Variants in FAAP20 observed in about 807,000 individuals in gnomAD.
FAAP20 encodes the protein FA core complex associated protein 20.
FAAP20 carries 12 observed loss-of-function variants against 16.2 expected under a neutral mutation model. The ratio of observed to expected loss-of-function variants is 0.74; its 90% CI spans 0.48 to 1.20. FAAP20 has a LOEUF of 1.20. FAAP20 is among the 50% of genes most tolerant of loss of function. The pLI is 0.00. For missense variants in FAAP20, 288 were observed against 245.8 expected (o/e 1.17, Z -1.15); for synonymous variants, 141 against 110.7 (o/e 1.27, Z -1.72).
intron 3 of FAAP20, chr1:2,193,259 AC>A: frequency 2.7e-6 from 1 of 375,202 alleles, no homozygotes; most frequent in Non-Finnish European, 4.9e-6. Context: ...GCATCTCCAG[AC>A]AAAAAAGACG....
downstream of FAAP20, among the ~76,000 whole-genome samples, chr1:2,209,323 C>G (rs372054311): frequency 3.0e-4 from 46 of 152,358 alleles, 2 homozygotes; most frequent in East Asian, 8.9e-3. Flanking sequence ...CTCAGCACCT[C>G]TCGACTTACC....
chr1:2,192,624 C>G, intron 3 of FAAP20: 2 of 1,164,242 alleles, frequency 1.7e-6, no homozygotes, highest in East Asian at 1.2e-4. Flanking sequence ...ACAGTACCCT[C>G]TGTCCGTGAT....
At chr1:2,205,351 C>T (rs1689216980) in intron 3 of FAAP20, among the ~76,000 whole-genome samples, 1 of 148,776 alleles carries the variant, frequency 6.7e-6, no homozygotes, top group African/African-American at 2.5e-5. Context: ...TCCGCCCCAC[C>T]CCGCCCCAGC....
intron 3 of FAAP20, 126 bp from the exon 4 acceptor site, chr1:2,189,907 G>C: frequency 1.3e-6 from 1 of 765,182 alleles, no homozygotes; most frequent in African/African-American, 1.7e-5. Flanking sequence ...CAGAAACAAG[G>C]GACGGGGCCA....
At chr1:2,198,279 G>C, upstream of FAAP20, 1 of 885,262 alleles carries the variant, frequency 1.1e-6, no homozygotes, top group Middle Eastern at 2.9e-4. Flanking sequence ...GAAGGTGATC[G>C]AGTGGGTGGG....
At chr1:2,192,680 C>A in intron 3 of FAAP20, 1 of 1,188,244 alleles carries the variant, frequency 8.4e-7, no homozygotes, top group Non-Finnish European at 1.1e-6. Flanking sequence ...GTGGTGCAAT[C>A]ATACTTCACT....
chr1:2,192,853 G>A, intron 3 of FAAP20: 1 of 1,275,602 alleles, frequency 7.8e-7, no homozygotes, highest in Non-Finnish European at 1.0e-6. Context: ...ACCTGCCTCA[G>A]CCTCTCAAAG....
chr1:2,192,984 C>A, intron 3 of FAAP20: 1 of 1,304,018 alleles, frequency 7.7e-7, no homozygotes, highest in Non-Finnish European at 1.0e-6. Context: ...TTCTGGAAGA[C>A]CAGGGGCATC....
downstream of FAAP20, chr1:2,185,298 A>G (rs778777886): frequency 2.5e-5 from 18 of 718,378 alleles, no homozygotes; most frequent in Non-Finnish European, 4.7e-5. Context: ...TCCAAGGTGC[A>G]CATTTTCCAC....
downstream of FAAP20, among the ~76,000 whole-genome samples, chr1:2,207,997 T>C (rs1164985588): frequency 6.6e-6 from 1 of 152,006 alleles, no homozygotes; most frequent in East Asian, 1.9e-4. Context: ...AGCCTGTGTG[T>C]GCCCGCGTGC....
chr1:2,199,114 G>C (rs1384264041), upstream of FAAP20: 2 of 1,188,306 alleles, frequency 1.7e-6, no homozygotes, highest in African/African-American at 1.6e-5. The surrounding 1 kb of genome is among the most constrained non-coding windows in gnomAD (Gnocchi z 4.5). Flanking sequence ...GGAGCAGCTG[G>C]GGAGGGCCCT....
At chr1:2,189,331 CAA>C (rs71578369), downstream of FAAP20, among the ~76,000 whole-genome samples, 7 of 97,988 alleles carry the variant, frequency 7.1e-5, no homozygotes, top group African/African-American at 2.0e-4. Context: ...GACCCTGTCT[CAA>C]AAAAAAAAAA....
downstream of FAAP20, chr1:2,184,525 C>T (rs779840498): frequency 1.1e-5 from 15 of 1,319,200 alleles, no homozygotes; most frequent in African/African-American, 2.9e-5. Flanking sequence ...GCAAAACACT[C>T]AATCTGGTAG....
chr1:2,185,309 G>A (rs754595816), downstream of FAAP20: 20 of 718,500 alleles, frequency 2.8e-5, no homozygotes, highest in Admixed American at 4.0e-5. Context: ...CATTTTCCAC[G>A]GAAACAGAAC....
At chr1:2,192,880 G>A (rs747057779) in intron 3 of FAAP20, 25 of 1,298,614 alleles carry the variant, frequency 1.9e-5, no homozygotes, top group East Asian at 5.6e-5. Flanking sequence ...GATTACAGGC[G>A]TGAGCCACCG....
upstream of FAAP20, chr1:2,198,577 G>A (rs975602755): frequency 1.3e-5 from 12 of 907,898 alleles, no homozygotes; most frequent in South Asian, 6.7e-5. Context: ...CAGCGGTGAC[G>A]GGCCCTGAGG....
At chr1:2,195,337 C>T (rs1008632529), upstream of FAAP20, among the ~76,000 whole-genome samples, 2 of 152,218 alleles carry the variant, frequency 1.3e-5, no homozygotes, top group East Asian at 1.9e-4. Flanking sequence ...CCGGGCTCTG[C>T]GACCTCAAAG....
chr1:2,211,740 T>A (rs374459424), downstream of FAAP20, among the ~76,000 whole-genome samples: 59 of 148,622 alleles, frequency 4.0e-4, no homozygotes, highest in East Asian at 6.6e-3. Context: ...TGAGCCACCG[T>A]GCCCGGCCAG....
chr1:2,198,938 A>G (rs1294691350), upstream of FAAP20: 1 of 1,289,640 alleles, frequency 7.8e-7, no homozygotes, highest in Admixed American at 2.3e-5. Context: ...GTTGCCTGGG[A>G]AACATCGCCA....
Sources: allele counts gnomAD v4.1 joint callset (sites outside exome capture counted in the v4.1 genomes callset), GRCh38; gene constraint gnomAD v4.1.1; non-coding constraint Gnocchi (gnomAD v3.1); transcripts MANE v1.5; gene names NCBI Gene and HGNC (gene_info 2026-07-23, HGNC 2026-07-21).